Variants in SKAP1 observed in about 807,000 individuals in gnomAD.
The protein encoded by SKAP1 is src kinase associated phosphoprotein 1, also known as src kinase-associated phosphoprotein 1.
SKAP1 carries 44 observed loss-of-function variants against 58.5 expected under a neutral mutation model. The observed-to-expected ratio is 0.75, with a 90% CI of 0.59 to 0.97. SKAP1 has a LOEUF of 0.97. Among genes scored for constraint, SKAP1 ranks in the 50% least tolerant of loss-of-function variants. SKAP1 has a pLI of 0.00. For synonymous variants in SKAP1, 127 were observed against 149.7 expected, an observed-to-expected ratio of 0.85 and a Z score of 1.11; for missense variants, 390 against 435.2, an observed-to-expected ratio of 0.90 and a Z score of 0.92.
chr17:48,307,680 T>C (rs923190582), intron 4 of SKAP1: 1 of 152,254 alleles, frequency 6.6e-6, no homozygotes, highest in Non-Finnish European at 1.5e-5. Flanking sequence ...AATATGTCTC[T>C]GGGATTTCTT....
chr17:48,386,139 G>C (rs948276135), intron 2 of SKAP1, among the ~76,000 whole-genome samples: 3 of 152,050 alleles, frequency 2.0e-5, no homozygotes, highest in Non-Finnish European at 2.9e-5. Context: ...TTATTTCTAG[G>C]AAAGAATATG....
At chr17:48,173,578 A>G (rs1172269713) in intron 9 of SKAP1, among the ~76,000 whole-genome samples, 1 of 152,214 alleles carries the variant, frequency 6.6e-6, no homozygotes, top group Non-Finnish European at 1.5e-5. Flanking sequence ...AGAGATACCC[A>G]ATAATTTGGA....
chr17:48,415,529 C>A (rs2067722120), intron 1 of SKAP1, among the ~76,000 whole-genome samples: 1 of 152,138 alleles, frequency 6.6e-6, no homozygotes, highest in South Asian at 2.1e-4. Flanking sequence ...TAACCCCTCT[C>A]CTCTTTTCAT....
At chr17:48,356,283 A>G (rs542897851) in intron 3 of SKAP1, among the ~76,000 whole-genome samples, 14 of 152,168 alleles carry the variant, frequency 9.2e-5, no homozygotes, top group East Asian at 3.9e-4. Flanking sequence ...TAAATAAATA[A>G]ATAGATAGAT....
chr17:48,404,982 G>T (rs1358777841), intron 1 of SKAP1, among the ~76,000 whole-genome samples: 1 of 152,104 alleles, frequency 6.6e-6, no homozygotes, highest in African/African-American at 2.4e-5. Context: ...GCCAAAGGTG[G>T]TAATTTCATT....
At position 48,384,361 on chromosome 17, in the gene SKAP1, G is replaced by A. The variant is rs1457938820; in HGVS notation, c.152+12319C>T. On this transcript the variant is annotated intron_variant, in intron 2 of 12. Transcript: ENST00000336915. ...AATGTAAGATAATGAGTTCAGTTCC[G>A]GACATTCAAGCAGTTAGGATTCTTC... 7.9e-5 allele frequency among the ~76,000 whole-genome samples: 12 copies of A among 152,208 alleles called. No individual in the cohort carries two copies. The East Asian group carries it at 1.9e-3, about 25-fold the overall frequency.
At chr17:48,369,101 C>T (rs2067049331) in intron 2 of SKAP1, among the ~76,000 whole-genome samples, 1 of 151,790 alleles carries the variant, frequency 6.6e-6, no homozygotes, top group Non-Finnish European at 1.5e-5. Flanking sequence ...GAGCCGAGAT[C>T]GCGCCATGCA....
chr17:48,240,812 TCCAGA>T (rs879339484), intron 4 of SKAP1, among the ~76,000 whole-genome samples: 51 of 152,316 alleles, frequency 3.3e-4, no homozygotes, highest in Admixed American at 3.1e-3. Context: ...TCGTTCACAA[TCCAGA>T]TTACCTAGAA....
intron 4 of SKAP1, among the ~76,000 whole-genome samples, chr17:48,208,470 TC>T (rs1330002856): frequency 6.6e-6 from 1 of 152,180 alleles, no homozygotes; most frequent in Non-Finnish European, 1.5e-5. Flanking sequence ...TTAAATGATG[TC>T]CCCGAGGGTT....
chr17:48,316,174 C>T (rs968889312), intron 4 of SKAP1, among the ~76,000 whole-genome samples: 14 of 152,158 alleles, frequency 9.2e-5, no homozygotes, highest in African/African-American at 3.4e-4. Context: ...AGTTGCTTCC[C>T]ATGATATGCA....
chr17:48,251,629 G>C (rs2065365204), intron 4 of SKAP1, among the ~76,000 whole-genome samples: 1 of 151,962 alleles, frequency 6.6e-6, no homozygotes, highest in African/African-American at 2.4e-5. Context: ...CATTTGGTTG[G>C]GATTTTCTTT....
At chr17:48,321,099 A>G (rs1185656596) in intron 4 of SKAP1, among the ~76,000 whole-genome samples, 1 of 152,142 alleles carries the variant, frequency 6.6e-6, no homozygotes, top group African/African-American at 2.4e-5. Context: ...ATGGAGAGAA[A>G]CAAGCAACAC....
At chr17:48,205,208 T>C (rs774431166) in intron 4 of SKAP1, among the ~76,000 whole-genome samples, 2 of 151,336 alleles carry the variant, frequency 1.3e-5, no homozygotes, top group African/African-American at 4.9e-5. Context: ...CTCCCAGGCT[T>C]AAGCAATCCT....
At chr17:48,252,224 CAG>C (rs143946405) in intron 4 of SKAP1, among the ~76,000 whole-genome samples, 64 of 149,628 alleles carry the variant, frequency 4.3e-4, no homozygotes, top group East Asian at 9.8e-4. Context: ...GAGAATGGGG[CAG>C]AGAGAGAGAG....
chr17:48,379,206 A>G (rs2067184708), intron 2 of SKAP1, among the ~76,000 whole-genome samples: 1 of 152,258 alleles, frequency 6.6e-6, no homozygotes, highest in South Asian at 2.1e-4. Context: ...ATACTTCAAA[A>G]GACACGACTG....
intron 2 of SKAP1, among the ~76,000 whole-genome samples, chr17:48,372,327 A>G (rs895259627): frequency 4.0e-5 from 6 of 151,184 alleles, no homozygotes; most frequent in Non-Finnish European, 8.8e-5. Flanking sequence ...CATTTTTGAG[A>G]CGGAGTTTTG....
At chr17:48,378,596 C>T (rs186928491) in intron 2 of SKAP1, among the ~76,000 whole-genome samples, 245 of 152,264 alleles carry the variant, frequency 1.6e-3, no homozygotes, top group Admixed American at 5.6e-3. Flanking sequence ...CCTACTTGTT[C>T]AAGCACCCTC....
At chr17:48,267,402 AAC>A (rs943423342) in intron 4 of SKAP1, among the ~76,000 whole-genome samples, 3 of 152,030 alleles carry the variant, frequency 2.0e-5, no homozygotes, top group Non-Finnish European at 4.4e-5. Flanking sequence ...ATTTTAATTA[AAC>A]ACACACACAC....
chr17:48,186,801 C>A (rs2064459937), intron 6 of SKAP1, among the ~76,000 whole-genome samples: 2 of 152,180 alleles, frequency 1.3e-5, no homozygotes, highest in African/African-American at 4.8e-5. Context: ...TACCTTAGTG[C>A]CACAGGTGCA....
Sources: gnomAD v4.1 joint callset for allele counts (sites outside exome capture counted in the v4.1 genomes callset) on GRCh38, gnomAD v4.1.1 for gene constraint, MANE v1.5 for transcripts, NCBI Gene and HGNC (gene_info 2026-07-23, HGNC 2026-07-21) for gene names.